PDGFC: variants seen among roughly 807,000 people sequenced by gnomAD.
PDGFC encodes platelet derived growth factor C, also known as platelet-derived growth factor C.
In PDGFC, 12 loss-of-function variants were observed where a neutral mutation model predicts 35.5. The observed-to-expected ratio is 0.34, with a 90% CI of 0.22 to 0.55. The LOEUF (loss-of-function observed/expected upper bound fraction) is 0.55, where lower values mean the gene tolerates loss of function less well. Among genes scored for constraint, PDGFC ranks in the 20% least tolerant of loss-of-function variants. The pLI is 0.91. For missense variants in PDGFC, 322 were observed against 412.4 expected, an observed-to-expected ratio of 0.78 and a Z score of 1.90; for synonymous variants, 159 against 148.8, an observed-to-expected ratio of 1.07 and a Z score of -0.50.
intron 1 of PDGFC, among the ~76,000 whole-genome samples, chr4:156,879,271 T>C (rs1372387702): frequency 1.3e-5 from 2 of 152,210 alleles, no homozygotes; most frequent in African/African-American, 2.4e-5. Flanking sequence ...ATTAATGTTA[T>C]CTTCACAAAG....
chr4:156,957,695 G>T (rs2110960556), intron 1 of PDGFC, among the ~76,000 whole-genome samples: 1 of 152,084 alleles, frequency 6.6e-6, no homozygotes, highest in Non-Finnish European at 1.5e-5. Context: ...CTGCATAGCT[G>T]GGATGGGCGG....
At chr4:156,904,676 C>G (rs1730872562) in intron 1 of PDGFC, among the ~76,000 whole-genome samples, 1 of 152,084 alleles carries the variant, frequency 6.6e-6, no homozygotes, top group Admixed American at 6.6e-5. Context: ...GCTACTCTCA[C>G]CTGAAGCTCA....
intron 1 of PDGFC, among the ~76,000 whole-genome samples, chr4:156,901,806 T>C (rs942867438): frequency 6.6e-6 from 1 of 151,818 alleles, no homozygotes; most frequent in Non-Finnish European, 1.5e-5. Context: ...AGAGACAGGG[T>C]TTTGTCATGT....
At chr4:156,787,251 G>A (rs1392131378) in intron 3 of PDGFC, among the ~76,000 whole-genome samples, 1 of 152,144 alleles carries the variant, frequency 6.6e-6, no homozygotes, top group African/African-American at 2.4e-5. Flanking sequence ...AGAGAGATAG[G>A]TGGAAAACAG....
chr4:156,971,137 C>G lies in PDGFC; in HGVS notation c.-234G>C, dbSNP rs1732582988. On this transcript the variant is annotated 5_prime_UTR_variant, in exon 1 of 6. Transcript: ENST00000502773. ...ATCAAAGCAAAACCTGGACCTGAAC[C>G]AGTTTCCCAAGGTTTAAACAAATCC... 2 of 477,098 alleles carry G rather than the reference C, an allele frequency of 4.2e-6. No homozygotes were observed. The highest frequency in any genetic ancestry group is 3.4e-5 in the Admixed American group (1 of 29,236). 29.6% of individuals were successfully genotyped at this position (477,098 alleles called of 1,614,324 possible).
intron 5 of PDGFC, among the ~76,000 whole-genome samples, chr4:156,766,459 T>C (rs779253379): frequency 6.6e-6 from 1 of 152,142 alleles, no homozygotes; most frequent in Non-Finnish European, 1.5e-5. Context: ...TCTTCAATTA[T>C]TATATCCCAT....
intron 1 of PDGFC, among the ~76,000 whole-genome samples, chr4:156,882,581 C>T (rs1389235739): frequency 6.6e-6 from 1 of 152,172 alleles, no homozygotes; most frequent in African/African-American, 2.4e-5. Context: ...TCACCCATAA[C>T]ACTTGTAAAG....
At chr4:156,830,798 T>C (rs1304355228) in intron 2 of PDGFC, among the ~76,000 whole-genome samples, 1 of 152,208 alleles carries the variant, frequency 6.6e-6, no homozygotes, top group Non-Finnish European at 1.5e-5. Flanking sequence ...ATGTGATCAA[T>C]TAAGTTATTT....
intron 1 of PDGFC, among the ~76,000 whole-genome samples, chr4:156,926,878 T>G (rs2110862290): frequency 6.6e-6 from 1 of 152,296 alleles, no homozygotes. Context: ...AGGGACTCTG[T>G]GTGGGGGCTC....
At chr4:156,846,966 A>G (rs956498835) in intron 2 of PDGFC, among the ~76,000 whole-genome samples, 2 of 151,838 alleles carry the variant, frequency 1.3e-5, no homozygotes, top group African/African-American at 2.4e-5. Flanking sequence ...GAACAATTTC[A>G]GCAAGAAAGT....
At chr4:156,765,630 TA>T (rs1199880074) in intron 5 of PDGFC, among the ~76,000 whole-genome samples, 2 of 152,100 alleles carry the variant, frequency 1.3e-5, no homozygotes, top group South Asian at 2.1e-4. Flanking sequence ...TATTATTTCA[TA>T]AAAAATTAAA....
At chr4:156,785,402 T>TG (rs1357981344) in intron 3 of PDGFC, among the ~76,000 whole-genome samples, 1 of 152,112 alleles carries the variant, frequency 6.6e-6, no homozygotes, top group Non-Finnish European at 1.5e-5. Context: ...TTTTTAAAGA[T>TG]GGGGTTTCAC....
intron 1 of PDGFC, among the ~76,000 whole-genome samples, chr4:156,939,110 G>C (rs1731748224): frequency 1.3e-5 from 2 of 151,886 alleles, no homozygotes; most frequent in Admixed American, 1.3e-4. Context: ...GCCTTAAGAT[G>C]AATAAAGGCT....
intron 1 of PDGFC, among the ~76,000 whole-genome samples, chr4:156,963,270 C>T (rs1177092128): frequency 4.6e-5 from 7 of 151,940 alleles, no homozygotes; most frequent in Admixed American, 4.6e-4. Context: ...GAGTTCAAGA[C>T]CAGCCTGGGC....
intron 2 of PDGFC, among the ~76,000 whole-genome samples, chr4:156,829,439 T>C (rs1267913803): frequency 6.6e-6 from 1 of 152,224 alleles, no homozygotes; most frequent in African/African-American, 2.4e-5. Flanking sequence ...AGTGCCCACT[T>C]GGCTAAATCT....
rs553325348 is a variant in PDGFC at position 156,805,515 on chromosome 4, C to T, written c.495+5322G>A. On this transcript the variant is annotated intron_variant, in intron 3 of 5. Coordinates refer to ENST00000502773, the MANE Select transcript of PDGFC (RefSeq NM_016205.3). ...TTAACATTTTAAAAAATCTTGAGTACATCCCACCACTAATGTTTTTCCTGT... is the reference window on the plus strand; with the variant it reads ...TTAACATTTTAAAAAATCTTGAGTATATCCCACCACTAATGTTTTTCCTGT... 7.2e-4 allele frequency among the ~76,000 whole-genome samples: 110 copies of T among 152,160 alleles called. 1 individual carries two copies. The South Asian group carries it at 0.018, about 25-fold the overall frequency.
intron 1 of PDGFC, among the ~76,000 whole-genome samples, chr4:156,942,659 A>G (rs1278842651): frequency 6.7e-6 from 1 of 149,476 alleles, no homozygotes; most frequent in African/African-American, 2.4e-5. Context: ...CTACCAATAC[A>G]CTAAAGGAAT....
intron 3 of PDGFC, among the ~76,000 whole-genome samples, chr4:156,776,088 A>G (rs550540268): frequency 6.6e-6 from 1 of 152,264 alleles, no homozygotes; most frequent in Non-Finnish European, 1.5e-5. Flanking sequence ...AGGGACTCTC[A>G]GAGAGAAAGG....
At chr4:156,847,594 A>G (rs1367671384) in intron 2 of PDGFC, among the ~76,000 whole-genome samples, 4 of 151,810 alleles carry the variant, frequency 2.6e-5, no homozygotes, top group African/African-American at 4.8e-5. Flanking sequence ...TGACATCCAA[A>G]TAAGACCTGT....
Sources: allele counts gnomAD v4.1 joint callset (sites outside exome capture counted in the v4.1 genomes callset), GRCh38; gene constraint gnomAD v4.1.1; transcripts MANE v1.5; gene names NCBI Gene and HGNC (gene_info 2026-07-23, HGNC 2026-07-21).